Variants in DZIP1 observed in about 807,000 individuals in gnomAD.
The protein encoded by DZIP1 is DAZ interacting zinc finger protein 1, also known as cilium assembly protein DZIP1.
Under a neutral mutation model 107.6 loss-of-function variants are expected in DZIP1, and 97 were observed. The ratio of observed to expected loss-of-function variants is 0.90; its 90% confidence interval spans 0.77 to 1.07. The LOEUF is 1.07. DZIP1 is among the 50% of genes least tolerant of loss of function. The pLI, the probability that DZIP1 is intolerant of heterozygous loss-of-function variation, is 0.00. For synonymous variants in DZIP1, 390 were observed against 386.4 expected, an observed-to-expected ratio of 1.01 and a Z score of -0.11; for missense variants, 1,035 against 1,063.6, an observed-to-expected ratio of 0.97 and a Z score of 0.37.
chr13:95,638,668 C>T (rs1034503247), intron 5 of DZIP1, among the ~76,000 whole-genome samples: 1 of 152,148 alleles, frequency 6.6e-6, no homozygotes, highest in African/African-American at 2.4e-5. Context: ...CACACGCACA[C>T]CCCATGGGGG....
chr13:95,610,314 T>G (rs932862340), intron 12 of DZIP1, among the ~76,000 whole-genome samples: 10 of 72,932 alleles, frequency 1.4e-4, no homozygotes, highest in Admixed American at 4.0e-4. Context: ...AGTTTTTTGG[T>G]TTTTTTTTTT....
chr13:95,631,420 T>C (rs1177359318), intron 6 of DZIP1, among the ~76,000 whole-genome samples: 1 of 151,526 alleles, frequency 6.6e-6, no homozygotes, highest in East Asian at 1.9e-4. Context: ...TGAGCCAAGA[T>C]GGCACCACTG....
At chr13:95,610,103 T>A (rs61975165) in intron 12 of DZIP1, among the ~76,000 whole-genome samples, 44,297 of 110,562 alleles carry the variant, frequency 0.4, 8,074 homozygotes, top group African/African-American at 0.47. Flanking sequence ...TGTGTGTGTG[T>A]GTGTGTGTGA....
At chr13:95,617,927 G>A (rs966805925) in intron 10 of DZIP1, 2 of 517,422 alleles carry the variant, frequency 3.9e-6, no homozygotes, top group African/African-American at 2.0e-5. Context: ...AGAGAAAGGT[G>A]GAATCAAGAT....
At chr13:95,587,905 T>G (rs1292726201) in intron 19 of DZIP1, 176 bp from the exon 20 acceptor site, 1 of 680,128 alleles carries the variant, frequency 1.5e-6, no homozygotes, top group Non-Finnish European at 2.4e-6. Flanking sequence ...TACCCACGGC[T>G]GTAGCATCCT....
intron 18 of DZIP1, among the ~76,000 whole-genome samples, chr13:95,589,549 A>G (rs1037946819): frequency 1.3e-5 from 2 of 152,224 alleles, no homozygotes; most frequent in South Asian, 2.1e-4. Context: ...TTGGTGCCTT[A>G]TAAGAAGAGG....
intron 10 of DZIP1, among the ~76,000 whole-genome samples, chr13:95,615,758 C>G (rs1350658674): frequency 1.3e-5 from 2 of 152,184 alleles, no homozygotes; most frequent in African/African-American, 4.8e-5. Flanking sequence ...GTAGTATGCC[C>G]TGGAGTACAC....
intron 15 of DZIP1, among the ~76,000 whole-genome samples, chr13:95,595,143 A>C (rs2044410135): frequency 6.6e-6 from 1 of 152,170 alleles, no homozygotes; most frequent in South Asian, 2.1e-4. Flanking sequence ...GTAGGGCTCC[A>C]GGCCACCCGA....
chr13:95,642,788 T>A (rs181702993), intron 3 of DZIP1, among the ~76,000 whole-genome samples: 5 of 152,332 alleles, frequency 3.3e-5, no homozygotes, highest in Non-Finnish European at 7.4e-5. Context: ...TTGCAGTTAA[T>A]CATATTTGAT....
At chr13:95,624,732 A>G (rs1760394978) in intron 8 of DZIP1, 36 bp downstream of exon 8, 1 of 1,558,646 alleles carries the variant, frequency 6.4e-7, no homozygotes, top group Non-Finnish European at 8.7e-7. Flanking sequence ...TCTCAAGGCA[A>G]TCAATACCAT....
chr13:95,636,509 C>A (rs2139433303), intron 5 of DZIP1, among the ~76,000 whole-genome samples: 1 of 141,558 alleles, frequency 7.1e-6, no homozygotes, highest in Admixed American at 7.4e-5. Context: ...CGCCACTGCA[C>A]TCGGGGCCAG....
chr13:95,633,418 C>T (rs3742151), intron 5 of DZIP1, 97 bp from the exon 6 acceptor site: 106,640 of 1,035,880 alleles, frequency 0.1, 6,198 homozygotes, highest in East Asian at 0.19. Context: ...CACTGTGGCT[C>T]ACGCCTGTAA....
intron 12 of DZIP1, among the ~76,000 whole-genome samples, chr13:95,610,934 G>A (rs962543796): frequency 4.6e-5 from 7 of 152,076 alleles, no homozygotes; most frequent in African/African-American, 9.7e-5. Flanking sequence ...CCATGCTCTC[G>A]GATTTCCCAG....
At chr13:95,618,639 T>G (rs1875443805) in intron 10 of DZIP1, among the ~76,000 whole-genome samples, 1 of 152,238 alleles carries the variant, frequency 6.6e-6, no homozygotes, top group South Asian at 2.1e-4. Context: ...TCTCTCCCCG[T>G]CTTCCTCAGT....
At chr13:95,609,576 C>A (rs1251808872) in intron 12 of DZIP1, 63 bp from the exon 13 acceptor site, 2 of 1,252,600 alleles carry the variant, frequency 1.6e-6, no homozygotes, top group South Asian at 1.5e-5. Context: ...ATTTTTGTAG[C>A]CCTTATACTA....
intron 5 of DZIP1, among the ~76,000 whole-genome samples, chr13:95,633,702 A>T (rs991283141): frequency 1.4e-5 from 2 of 147,500 alleles, no homozygotes; most frequent in African/African-American, 5.0e-5. Flanking sequence ...AAAAAAAAAA[A>T]TTCAGGTACC....
intron 5 of DZIP1, among the ~76,000 whole-genome samples, chr13:95,634,111 A>C (rs1210211405): frequency 6.6e-6 from 1 of 152,082 alleles, no homozygotes; most frequent in Non-Finnish European, 1.5e-5. Flanking sequence ...CTGCCACTCC[A>C]GCCACACCAG....
rs1158239748 is a variant in DZIP1, at chr13:95,579,310, A to T, written c.*2924T>A. 1.3e-5 allele frequency: 2 copies of T among 152,214 alleles called. No individual in the cohort carries two copies. The highest frequency in any genetic ancestry group is 4.8e-5 in the African/African-American group (2 of 41,452). The allele number at this position is 152,214 out of a possible 1,614,324, so 9.4% of individuals were successfully genotyped here. A position where few individuals can be genotyped will look rare whatever the true frequency, so the allele number is the denominator to read the frequency against. ...AGTTGCTCCAGGGATTTCTGAAAAAAGACACAGGCTTCTTCCTAGAGCCAG... is the reference window on the plus strand; with the variant it reads ...AGTTGCTCCAGGGATTTCTGAAAAATGACACAGGCTTCTTCCTAGAGCCAG... On this transcript the variant is annotated 3_prime_UTR_variant, in exon 23 of 23. Transcript: ENST00000376829.
Position 95,619,886 on chromosome 13 carries a change from C to T in DZIP1, c.1172G>A (p.Arg391Gln), listed in dbSNP as rs766403487. ...IHQEHKKEKG[R>Q]LLSHIEKLRT... ...AGGCCACTGGTTTCTTAACCTTACC[C>T]GACCCTTCTCTTTCTTGTGTTCTTG... Residue 391 changes from arginine (R) to glutamine (Q), a missense_variant and splice_region_variant, in exon 10 of 23, where the codon CGG becomes CAG. Transcript: ENST00000376829. The T allele has an allele frequency of 1.8e-5, 29 of 1,613,570 alleles. 1 individual carries two copies. In the South Asian group the frequency reaches 2.2e-4, roughly 12 times the overall value.
Sources: allele counts gnomAD v4.1 joint callset (sites outside exome capture counted in the v4.1 genomes callset), GRCh38; gene constraint gnomAD v4.1.1; transcripts MANE v1.5; gene names NCBI Gene and HGNC (gene_info 2026-07-23, HGNC 2026-07-21).